TRIQK: variants seen among roughly 807,000 people sequenced by gnomAD.
The protein encoded by TRIQK is triple QxxK/R motif containing.
In TRIQK, 10 loss-of-function variants were observed where a neutral mutation model predicts 10.8. The observed-to-expected ratio is 0.92, with a 90% CI of 0.57 to 1.57. TRIQK has a LOEUF of 1.57. Among genes scored for constraint, TRIQK ranks in the 40% most tolerant of loss-of-function variants. The probability of loss-of-function intolerance (pLI) is 0.00; values close to 1 mark genes in which losing one functional copy is unlikely to be tolerated. For missense variants in TRIQK, 107 were observed against 97.7 expected, an observed-to-expected ratio of 1.09 and a Z score of -0.40; for synonymous variants, 33 against 33.7, an observed-to-expected ratio of 0.98 and a Z score of 0.07.
At chr8:92,982,709 A>T (rs956828157) in intron 1 of TRIQK, among the ~76,000 whole-genome samples, 2 of 152,018 alleles carry the variant, frequency 1.3e-5, no homozygotes, top group Non-Finnish European at 2.9e-5. Flanking sequence ...TATCAATGGG[A>T]GACATTATAT....
At chr8:92,895,895 A>G (rs1808566372) in intron 3 of TRIQK, among the ~76,000 whole-genome samples, 1 of 152,150 alleles carries the variant, frequency 6.6e-6, no homozygotes, top group African/African-American at 2.4e-5. Flanking sequence ...AAAGATTTAT[A>G]AAACTCTCAG....
In TRIQK at chr8:92,886,475, C is replaced by T. The variant is rs1816483123; in HGVS notation, c.*147G>A. ...TAGGTAAGGTTCTTTTCCTGACATC[C>T]TATGCAACTATCAAAAATCATATGT... On this transcript the variant is annotated 3_prime_UTR_variant, in exon 5 of 5. Coordinates refer to ENST00000521988, the MANE Select transcript of TRIQK (RefSeq NM_001171797.2). 3.6e-6 allele frequency: 2 copies of T among 555,612 alleles called. No homozygotes were observed. The highest frequency in any genetic ancestry group is 4.7e-5 in the South Asian group (2 of 42,752). The allele number at this position is 555,612 out of a possible 1,614,324, so 34.4% of individuals were successfully genotyped here.
At chr8:92,974,931 A>G (rs1007147354) in intron 1 of TRIQK, among the ~76,000 whole-genome samples, 95 of 152,208 alleles carry the variant, frequency 6.2e-4, no homozygotes, top group African/African-American at 2.2e-3. Flanking sequence ...AGAAATAACT[A>G]GCTATTTTTT....
intron 3 of TRIQK, among the ~76,000 whole-genome samples, chr8:92,894,719 G>A (rs1808500596): frequency 6.6e-6 from 1 of 151,968 alleles, no homozygotes; most frequent in South Asian, 2.1e-4. Context: ...TTCTTTATGT[G>A]TTTCATAATT....
Position 92,917,781 on chromosome 8 carries a change from T to C in TRIQK, c.-21-771A>G, listed in dbSNP as rs983386102. Among the ~76,000 whole-genome samples, 3 of 152,134 alleles carry C rather than the reference T, an allele frequency of 2.0e-5. No individual in the cohort carries two copies. In the East Asian group the frequency reaches 5.8e-4, roughly 29 times the overall value. On this transcript the variant is annotated intron_variant, in intron 2 of 4. Transcript: ENST00000521988. ...TATTTAGAAATACATAATAAATTATTGTTAATCATAATTTTCCTACTGTAC... is the reference window on the plus strand; with the variant it reads ...TATTTAGAAATACATAATAAATTATCGTTAATCATAATTTTCCTACTGTAC...
At chr8:92,943,713 A>G (rs1811384875) in intron 2 of TRIQK, among the ~76,000 whole-genome samples, 2 of 152,202 alleles carry the variant, frequency 1.3e-5, no homozygotes, top group South Asian at 2.1e-4. Context: ...CTGAAACAAT[A>G]AAACTGCTAG....
intron 2 of TRIQK, chr8:92,928,181 C>T (rs1810539756): frequency 6.6e-6 from 1 of 152,164 alleles, no homozygotes; most frequent in South Asian, 2.1e-4. Flanking sequence ...GACCTATAAC[C>T]AAATGGGTCA....
chr8:92,945,578 T>C (rs889585901), intron 2 of TRIQK, among the ~76,000 whole-genome samples: 1 of 152,228 alleles, frequency 6.6e-6, no homozygotes, highest in Non-Finnish European at 1.5e-5. Context: ...ATGCTTCACA[T>C]GACTAAGCAA....
chr8:92,925,863 A>G (rs1810419989), intron 2 of TRIQK, among the ~76,000 whole-genome samples: 1 of 152,230 alleles, frequency 6.6e-6, no homozygotes, highest in African/African-American at 2.4e-5. Flanking sequence ...TAAGAGAGAT[A>G]AATGTATATG....
chr8:92,965,731 A>G (rs915574466), intron 1 of TRIQK: 2 of 152,588 alleles, frequency 1.3e-5, no homozygotes, highest in African/African-American at 4.8e-5. Flanking sequence ...ACGCCCACCG[A>G]ACCCAGCACC....
In TRIQK at chr8:92,884,905, C is replaced by G; in HGVS notation, c.*1717G>C. The G allele has an allele frequency of 2.2e-6, 1 of 456,046 alleles. No individual in the cohort carries two copies. The allele number at this position is 456,046 out of a possible 1,614,324, so 28.2% of individuals were successfully genotyped here. A position where few individuals can be genotyped will look rare whatever the true frequency, so the allele number is the denominator to read the frequency against. ...GCATGTCACTCAGGAAAGTAAAAGGCCCATCATATCCAAAATGCCAGCTTG... is the reference window on the plus strand; with the variant it reads ...GCATGTCACTCAGGAAAGTAAAAGGGCCATCATATCCAAAATGCCAGCTTG... On this transcript the variant is annotated 3_prime_UTR_variant, in exon 5 of 5. Transcript: ENST00000521988.
At chr8:92,898,999 C>CTT (rs574697131) in intron 3 of TRIQK, among the ~76,000 whole-genome samples, 7 of 139,984 alleles carry the variant, frequency 5.0e-5, no homozygotes, top group Admixed American at 7.2e-5. Context: ...GATTATACTA[C>CTT]TTTTTTTTTT....
intron 3 of TRIQK, among the ~76,000 whole-genome samples, chr8:92,904,835 G>A (rs960120354): frequency 6.6e-6 from 1 of 152,078 alleles, no homozygotes; most frequent in Non-Finnish European, 1.5e-5. Context: ...ACATAAAAGA[G>A]ACAATAATAA....
intron 2 of TRIQK, among the ~76,000 whole-genome samples, chr8:92,934,725 A>T (rs1369099662): frequency 6.6e-6 from 1 of 152,082 alleles, no homozygotes; most frequent in East Asian, 1.9e-4. Context: ...GTTTTCAAAC[A>T]GATTGTGGTA....
chr8:92,979,720 T>C (rs868414634), intron 1 of TRIQK, among the ~76,000 whole-genome samples: 1 of 152,118 alleles, frequency 6.6e-6, no homozygotes, highest in Non-Finnish European at 1.5e-5. Flanking sequence ...TGGCAACTAC[T>C]ACATTTTACT....
At chr8:92,993,721 A>G (rs1007847170) in intron 1 of TRIQK, among the ~76,000 whole-genome samples, 4 of 152,220 alleles carry the variant, frequency 2.6e-5, no homozygotes, top group Non-Finnish European at 4.4e-5. Flanking sequence ...AGCCTTGATC[A>G]TGCCAATTCC....
At chr8:92,903,388 C>T (rs977507150) in intron 3 of TRIQK, among the ~76,000 whole-genome samples, 1 of 151,808 alleles carries the variant, frequency 6.6e-6, no homozygotes, top group African/African-American at 2.4e-5. Flanking sequence ...AAGAATTATA[C>T]ACGTGAATAT....
intron 1 of TRIQK, among the ~76,000 whole-genome samples, chr8:93,002,789 G>C (rs928426773): frequency 6.6e-6 from 1 of 151,822 alleles, no homozygotes; most frequent in Non-Finnish European, 1.5e-5. Flanking sequence ...GTGTGGTAGG[G>C]GGAGTCTGTA....
chr8:92,935,984 T>C (rs1810969064), intron 2 of TRIQK, among the ~76,000 whole-genome samples: 1 of 151,392 alleles, frequency 6.6e-6, no homozygotes, highest in South Asian at 2.1e-4. Context: ...ACAAAACAGG[T>C]AAGATTAAAT....
Sources: gnomAD v4.1 joint callset for allele counts (sites outside exome capture counted in the v4.1 genomes callset) on GRCh38, gnomAD v4.1.1 for gene constraint, MANE v1.5 for transcripts, NCBI Gene and HGNC (gene_info 2026-07-23, HGNC 2026-07-21) for gene names.